The following KIF3A variants were observed in gnomAD, a reference collection of about 807,000 sequenced individuals.
KIF3A encodes the protein kinesin family member 3A, also known as kinesin-like protein KIF3A.
A neutral mutation model predicts 92.6 loss-of-function variants in KIF3A; 27 were observed. The ratio of observed to expected loss-of-function variants is 0.29; its 90% CI spans 0.21 to 0.40. The LOEUF (loss-of-function observed/expected upper bound fraction) is 0.40, where lower values mean the gene tolerates loss of function less well. Ranked by LOEUF, KIF3A falls within the 10% of genes least tolerant of loss-of-function variation. The probability of loss-of-function intolerance (pLI) is 1.00; values close to 1 mark genes in which losing one functional copy is unlikely to be tolerated. For synonymous variants in KIF3A, 250 were observed against 275.4 expected (o/e 0.91, Z 0.92); for missense variants, 581 against 872.6 (o/e 0.67, Z 4.21).
chr5:132,696,747 A>G, intron 18 of KIF3A, 65 bp from the exon 19 acceptor site: 1 of 1,243,756 alleles, frequency 8.0e-7, no homozygotes, highest in Non-Finnish European at 1.2e-6. Context: ...CAAACATTTA[A>G]CATTATATAG....
chr5:132,711,156 T>G (rs911999111), intron 8 of KIF3A, 99 bp from the exon 9 acceptor site: 8 of 1,041,962 alleles, frequency 7.7e-6, no homozygotes, highest in Non-Finnish European at 1.0e-5. Context: ...TTTTTGTTAC[T>G]GCAAACAACA....
intron 2 of KIF3A, among the ~76,000 whole-genome samples, chr5:132,731,149 A>G (rs1342391207): frequency 6.6e-6 from 1 of 152,212 alleles, no homozygotes; most frequent in Non-Finnish European, 1.5e-5. Flanking sequence ...GAAAACTGAA[A>G]AGAAGGGGAT....
intron 8 of KIF3A, among the ~76,000 whole-genome samples, chr5:132,712,928 G>C (rs1402064028): frequency 6.6e-6 from 1 of 152,196 alleles, no homozygotes; most frequent in Non-Finnish European, 1.5e-5. Context: ...GAGATGCCGA[G>C]GCAGGCAGAT....
Position 132,710,947 on chromosome 5 carries a change from A to C in KIF3A, c.1228+12T>G. 1 of 1,613,760 alleles carries C rather than the reference A, an allele frequency of 6.2e-7. No homozygotes were observed. The highest frequency in any genetic ancestry group is 8.5e-7 in the Non-Finnish European group (1 of 1,179,830). ...CTAATTTCTACAAATCAGATTACTA[A>C]ACAGAACTTACCCCTTCTTTTTTTC... On this transcript the variant is annotated intron_variant, in intron 9 of 18. Coordinates refer to ENST00000403231, the MANE Select transcript of KIF3A (RefSeq NM_001300791.2).
intron 8 of KIF3A, among the ~76,000 whole-genome samples, chr5:132,711,595 A>T (rs1257961629): frequency 6.6e-6 from 1 of 152,084 alleles, no homozygotes; most frequent in African/African-American, 2.4e-5. Context: ...GTCTCAAAAA[A>T]AAAAATAAAA....
At chr5:132,690,905 C>T (rs1752647481), downstream of KIF3A, among the ~76,000 whole-genome samples, 1 of 152,002 alleles carries the variant, frequency 6.6e-6, no homozygotes, top group Admixed American at 6.5e-5. Context: ...CCAGCCTGGG[C>T]AACAGATCAA....
intron 4 of KIF3A, among the ~76,000 whole-genome samples, chr5:132,724,805 AAATAT>A (rs1433477932): frequency 7.2e-4 from 12 of 16,694 alleles, no homozygotes; most frequent in East Asian, 2.6e-3. Context: ...AAAAAAAAAA[AAATAT>A]ATATATATAT....
At chr5:132,712,637 T>A (rs1477644700) in intron 8 of KIF3A, among the ~76,000 whole-genome samples, 1 of 152,166 alleles carries the variant, frequency 6.6e-6, no homozygotes, top group Non-Finnish European at 1.5e-5. Context: ...AACAGGACCT[T>A]TGCAGTCTCA....
At chr5:132,732,424 C>A (rs1383181113) in intron 2 of KIF3A, among the ~76,000 whole-genome samples, 1 of 152,170 alleles carries the variant, frequency 6.6e-6, no homozygotes, top group Non-Finnish European at 1.5e-5. Flanking sequence ...TGTTCACCAA[C>A]TAATAAATGG....
At chr5:132,731,108 A>AAAT (rs544891833) in intron 2 of KIF3A, among the ~76,000 whole-genome samples, 1 of 152,240 alleles carries the variant, frequency 6.6e-6, no homozygotes. Context: ...AACATTTAAG[A>AAAT]AATAATACCA....
Position 132,716,314 on chromosome 5 carries a change from C to T in KIF3A, c.885G>A (p.Val295=), listed in dbSNP as rs773219287. 9 of 1,613,844 alleles carry T rather than the reference C, an allele frequency of 5.6e-6. No homozygotes were observed. Among genetic ancestry groups the T allele is most frequent in the Middle Eastern group, 1.6e-4 (1 of 6,084 alleles). The change falls in exon 7 of 19, where the codon GTG becomes GTA. Residue 295 remains valine (V), a synonymous_variant. Transcript: ENST00000403231. The part of the protein sequence containing the change: ...SALVDGKSTH[V]PYRNSKLTRL... ...GAGTCAGTTTAGAGTTACGATAAGGCACATGAGTGCTTTTTCCATCAACCA... is the reference window on the plus strand; with the variant it reads ...GAGTCAGTTTAGAGTTACGATAAGGTACATGAGTGCTTTTTCCATCAACCA...
intron 1 of KIF3A, chr5:132,737,045 C>T: frequency 5.0e-6 from 2 of 399,672 alleles, no homozygotes; most frequent in South Asian, 6.2e-5. Flanking sequence ...GCGCAAAGGC[C>T]TCACCAGGTG....
At chr5:132,724,805 AAATATATATATAT>A (rs1428318051) in intron 4 of KIF3A, among the ~76,000 whole-genome samples, 19 of 16,694 alleles carry the variant, frequency 1.1e-3, no homozygotes, top group African/African-American at 3.3e-3. Context: ...AAAAAAAAAA[AAATATATATATAT>A]ATATATATAT....
intron 6 of KIF3A, 33 bp from the exon 7 acceptor site, chr5:132,716,475 A>C (rs1356574976): frequency 1.9e-6 from 3 of 1,546,732 alleles, no homozygotes; most frequent in Middle Eastern, 1.7e-4. Flanking sequence ...GTAAAGCTAA[A>C]ATTTTTTTAA....
intron 8 of KIF3A, among the ~76,000 whole-genome samples, chr5:132,714,877 A>C (rs1465360947): frequency 6.6e-6 from 1 of 152,264 alleles, no homozygotes; most frequent in Non-Finnish European, 1.5e-5. Flanking sequence ...AGAAATTAAA[A>C]ATCTTTAAAA....
At chr5:132,705,285 G>A (rs1351668651) in intron 11 of KIF3A, among the ~76,000 whole-genome samples, 1 of 151,936 alleles carries the variant, frequency 6.6e-6, no homozygotes, top group African/African-American at 2.4e-5. Flanking sequence ...TTAAAAAAGT[G>A]TAACTTCCTT....
Position 132,706,489 on chromosome 5 carries a change from A to G in KIF3A, c.1301-30T>C, listed in dbSNP as rs750828980. On this transcript the variant is annotated intron_variant, in intron 10 of 18. Transcript: ENST00000403231. ...CAATAAGAAGTAGTAAGCAAATCGCAGACAGGAAGCAATACGCACAGAGAT... is the reference window on the plus strand; with the variant it reads ...CAATAAGAAGTAGTAAGCAAATCGCGGACAGGAAGCAATACGCACAGAGAT... 5.9e-6 allele frequency: 9 copies of G among 1,536,932 alleles called. No individual in the cohort carries two copies. The South Asian group carries it at 9.8e-5, about 17-fold the overall frequency.
intron 18 of KIF3A, 116 bp downstream of exon 18, chr5:132,699,055 T>A: frequency 9.0e-7 from 1 of 1,105,014 alleles, no homozygotes; most frequent in East Asian, 2.5e-5. Flanking sequence ...TGATTTTTAA[T>A]AAATCAGCCA....
chr5:132,705,363 A>C (rs1198008738), intron 11 of KIF3A, among the ~76,000 whole-genome samples: 9 of 151,986 alleles, frequency 5.9e-5, no homozygotes, highest in Non-Finnish European at 8.8e-5. Context: ...TAATAAATGC[A>C]TGAAGACACT....
Sources: gnomAD v4.1 joint callset for allele counts (sites outside exome capture counted in the v4.1 genomes callset) on GRCh38, gnomAD v4.1.1 for gene constraint, MANE v1.5 for transcripts, NCBI Gene and HGNC (gene_info 2026-07-23, HGNC 2026-07-21) for gene names.